The following UVSSA variants were observed in gnomAD, a reference collection of about 807,000 sequenced individuals.
UVSSA encodes UV-stimulated scaffold protein A.
In UVSSA, 72 loss-of-function variants were observed where a neutral mutation model predicts 73.9. That is an observed-to-expected ratio of 0.97 (90% confidence interval 0.81 to 1.19). UVSSA has a LOEUF of 1.19. Ranked by LOEUF, UVSSA falls within the 50% of genes most tolerant of loss-of-function variation. The pLI, the probability that UVSSA is intolerant of heterozygous loss-of-function variation, is 0.00. For missense variants in UVSSA, 1,150 were observed against 965.0 expected, an observed-to-expected ratio of 1.19 and a Z score of -2.54; for synonymous variants, 454 against 391.3, an observed-to-expected ratio of 1.16 and a Z score of -1.89.
chr4:1,362,847 T>C (rs552827235), intron 7 of UVSSA, among the ~76,000 whole-genome samples: 5 of 152,286 alleles, frequency 3.3e-5, no homozygotes, highest in African/African-American at 1.2e-4. Flanking sequence ...CTGTCCCTGG[T>C]GACCACGCCG....
intron 7 of UVSSA, among the ~76,000 whole-genome samples, chr4:1,364,834 C>T (rs1199780950): frequency 6.6e-6 from 1 of 152,182 alleles, no homozygotes; most frequent in African/African-American, 2.4e-5. Context: ...GCCCTAGCAG[C>T]CCTGCCAGCC....
chr4:1,363,705 A>T (rs1026076854), intron 7 of UVSSA, among the ~76,000 whole-genome samples: 2 of 152,244 alleles, frequency 1.3e-5, no homozygotes, highest in Non-Finnish European at 2.9e-5. Flanking sequence ...GTTGTTATTC[A>T]GACGTGATGG....
intron 10 of UVSSA, among the ~76,000 whole-genome samples, chr4:1,377,765 C>G (rs1283778620): frequency 6.6e-6 from 1 of 152,240 alleles, no homozygotes. Context: ...GCTTCACGTT[C>G]CACCTGCCTG....
At chr4:1,382,770 G>A (rs1719655007) in intron 12 of UVSSA, among the ~76,000 whole-genome samples, 2 of 152,324 alleles carry the variant, frequency 1.3e-5, no homozygotes, top group African/African-American at 4.8e-5. Context: ...CCATCCGTCC[G>A]AGATGTGGGC....
upstream of UVSSA, among the ~76,000 whole-genome samples, chr4:1,342,201 G>T (rs1392635652): frequency 2.0e-5 from 3 of 152,178 alleles, no homozygotes; most frequent in African/African-American, 7.2e-5. Flanking sequence ...AAAGTTGGTG[G>T]TAGTGTTTTA....
downstream of UVSSA, chr4:1,392,025 T>C (rs1720424661): frequency 6.6e-6 from 1 of 152,272 alleles, no homozygotes; most frequent in Admixed American, 6.5e-5. Context: ...CCATTACTTT[T>C]TTGTGTTAAA....
intron 7 of UVSSA, among the ~76,000 whole-genome samples, chr4:1,363,049 A>G (rs1716864194): frequency 1.3e-5 from 2 of 152,202 alleles, no homozygotes; most frequent in South Asian, 4.1e-4. Context: ...TGAAAACAGC[A>G]GCTTTCAGCC....
chr4:1,349,784 G>C lies in UVSSA; in HGVS notation c.359G>C (p.Trp120Ser), dbSNP rs747213272. Residue 120 changes from tryptophan to serine, a missense_variant, in exon 3 of 14, where the codon TGG (tryptophan) becomes TCG (serine). Trp to Ser is a radical substitution (Grantham distance 177). Coordinates refer to ENST00000389851, the MANE Select transcript of UVSSA (RefSeq NM_020894.4). ...RQATTRAVEG[W>S]NEKFGEAYKK... Reference sequence around the variant, plus strand: ...GCGACCACCCGGGCCGTGGAAGGGTGGAATGAGAAGTTTGGGGAGGCCTAC... The same window carrying C: ...GCGACCACCCGGGCCGTGGAAGGGTCGAATGAGAAGTTTGGGGAGGCCTAC... 6.2e-7 allele frequency: 1 copy of C among 1,601,402 alleles called. No individual in the cohort carries two copies. The highest frequency in any genetic ancestry group is 8.5e-7 in the Non-Finnish European group (1 of 1,172,442).
downstream of UVSSA, chr4:1,390,924 G>A (rs554733771): frequency 4.8e-4 from 73 of 152,594 alleles, 1 homozygote; most frequent in African/African-American, 1.7e-3. Flanking sequence ...GGTCTGATTG[G>A]TTTGTAGTGT....
At chr4:1,369,071 G>C (rs1321267323) in intron 8 of UVSSA, among the ~76,000 whole-genome samples, 1 of 152,224 alleles carries the variant, frequency 6.6e-6, no homozygotes, top group Non-Finnish European at 1.5e-5. Context: ...GGCCCTGGTG[G>C]TTTTATTGCC....
upstream of UVSSA, among the ~76,000 whole-genome samples, chr4:1,342,886 C>T (rs73793377): frequency 6.4e-3 from 971 of 151,908 alleles, 12 homozygotes; most frequent in African/African-American, 0.022. Context: ...TAACTATTGC[C>T]GTTTTAAGGC....
intron 7 of UVSSA, among the ~76,000 whole-genome samples, chr4:1,360,230 G>A (rs1197829590): frequency 6.6e-6 from 1 of 152,334 alleles, no homozygotes; most frequent in African/African-American, 2.4e-5. Flanking sequence ...CAGGGAACAC[G>A]GGGAGAACAT....
At chr4:1,345,062 A>T (rs757989410), upstream of UVSSA, among the ~76,000 whole-genome samples, 1 of 152,142 alleles carries the variant, frequency 6.6e-6, no homozygotes, top group Non-Finnish European at 1.5e-5. Flanking sequence ...TTTTGTGTAG[A>T]GGAATCCTGT....
chr4:1,352,027 C>T (rs774816328), intron 4 of UVSSA, among the ~76,000 whole-genome samples, 192 bp downstream of exon 4: 18 of 152,248 alleles, frequency 1.2e-4, no homozygotes, highest in Non-Finnish European at 2.5e-4. Flanking sequence ...GCCTCTCCCG[C>T]GCCCTCTGGT....
intron 7 of UVSSA, chr4:1,358,450 A>T (rs1395907448): frequency 6.6e-6 from 1 of 152,376 alleles, no homozygotes; most frequent in East Asian, 1.9e-4. Context: ...TCTTCTCCGC[A>T]AACTGGTTTC....
At chr4:1,351,333 G>C (rs1018578370) in intron 3 of UVSSA, among the ~76,000 whole-genome samples, 2 of 151,816 alleles carry the variant, frequency 1.3e-5, no homozygotes, top group African/African-American at 4.8e-5. Context: ...CAAAGTGCTG[G>C]GGTGACAGGC....
At position 1,349,588 on chromosome 4, in the gene UVSSA, G is replaced by T. The variant is rs200842541; in HGVS notation, c.163G>T (p.Ala55Ser). ...LLIAQLTQEH[A>S]EIRLSAFQIV... ...GATAGCACAGCTGACCCAGGAGCAC[G>T]CCGAGATCCGTCTCTCAGCCTTCCA... The change falls in exon 3 of 14, where the codon GCC (alanine) becomes TCC (serine). Residue 55 changes from alanine to serine, a missense_variant. Physicochemically the swap from Ala to Ser is moderately conservative, Grantham distance 99 (BLOSUM62 1). Coordinates refer to ENST00000389851, the MANE Select transcript of UVSSA (RefSeq NM_020894.4). 1.2e-6 allele frequency: 2 copies of T among 1,614,042 alleles called. No individual in the cohort carries two copies. Among genetic ancestry groups the T allele is most frequent in the Non-Finnish European group, 1.7e-6 (2 of 1,180,018 alleles).
upstream of UVSSA, chr4:1,347,158 T>C (rs1378436142): frequency 6.6e-6 from 1 of 151,394 alleles, no homozygotes; most frequent in Admixed American, 6.6e-5. Flanking sequence ...GCGGTAGAGG[T>C]CTTGGGCACC....
chr4:1,377,678 G>A (rs1377486766), intron 10 of UVSSA, among the ~76,000 whole-genome samples: 1 of 152,022 alleles, frequency 6.6e-6, no homozygotes, highest in African/African-American at 2.4e-5. Flanking sequence ...CAGTTGGGCT[G>A]AGAGAGAGGC....
Sources: allele counts gnomAD v4.1 joint callset (sites outside exome capture counted in the v4.1 genomes callset), GRCh38; gene constraint gnomAD v4.1.1; transcripts MANE v1.5; gene names NCBI Gene and HGNC (gene_info 2026-07-23, HGNC 2026-07-21).